Variants in TNFRSF19 observed in about 807,000 individuals in gnomAD.
TNFRSF19 encodes the protein tumor necrosis factor receptor superfamily member 19.
In TNFRSF19, 27 loss-of-function variants were observed where a neutral mutation model predicts 46.4. That is an observed-to-expected ratio of 0.58 (90% CI 0.43 to 0.80). TNFRSF19 has a LOEUF of 0.80. Ranked by LOEUF, TNFRSF19 falls within the 30% of genes least tolerant of loss-of-function variation. The pLI is 0.00. For synonymous variants in TNFRSF19, 204 were observed against 205.0 expected (o/e 1.00, Z 0.04); for missense variants, 511 against 530.8 (o/e 0.96, Z 0.37).
chr13:23,627,473 A>G (rs1882082618), intron 5 of TNFRSF19, among the ~76,000 whole-genome samples: 1 of 152,228 alleles, frequency 6.6e-6, no homozygotes, highest in African/African-American at 2.4e-5. Flanking sequence ...TTGAATAGGA[A>G]GAAGAGTGGC....
In TNFRSF19 at chr13:23,656,717, C is replaced by G. The variant is rs188730339; in HGVS notation, c.446-2333C>G. On this transcript the variant is annotated intron_variant, in intron 5 of 9. Coordinates refer to ENST00000248484, the MANE Select transcript of TNFRSF19 (RefSeq NM_148957.4). Reference sequence around the variant, plus strand: ...GACTCTTCTCCCTCTGAAGTGAACGCCTTCCTCACCAATGTAAATGACAGC... The same window carrying G: ...GACTCTTCTCCCTCTGAAGTGAACGGCTTCCTCACCAATGTAAATGACAGC... 6.8e-3 allele frequency among the ~76,000 whole-genome samples: 1,033 copies of G among 152,304 alleles called. 11 individuals are homozygous for G. The highest frequency in any genetic ancestry group is 0.024 in the African/African-American group (979 of 41,566).
chr13:23,575,487 G>A (rs928906081), intron 1 of TNFRSF19, among the ~76,000 whole-genome samples: 4 of 152,164 alleles, frequency 2.6e-5, no homozygotes, highest in African/African-American at 4.8e-5. Context: ...TTGGCCTCAC[G>A]GTGCTCCCTC....
chr13:23,588,460 G>A (rs889593745), intron 1 of TNFRSF19, among the ~76,000 whole-genome samples: 11 of 152,170 alleles, frequency 7.2e-5, no homozygotes, highest in African/African-American at 1.4e-4. Flanking sequence ...TCAGTAGTTA[G>A]TGTAGCATCC....
chr13:23,640,133 GCT>G (rs761142669), intron 5 of TNFRSF19, among the ~76,000 whole-genome samples: 87 of 152,156 alleles, frequency 5.7e-4, no homozygotes, highest in African/African-American at 2.1e-3. Context: ...TACCTGAGAG[GCT>G]CTGTTATAAA....
chr13:23,660,249 T>C, intron 6 of TNFRSF19, 116 bp from the exon 7 acceptor site: 2 of 1,036,788 alleles, frequency 1.9e-6, no homozygotes. Flanking sequence ...TAAGAAGAAG[T>C]CATCAAACAT....
intron 5 of TNFRSF19, among the ~76,000 whole-genome samples, chr13:23,656,498 A>C (rs550122585): frequency 7.0e-4 from 106 of 152,332 alleles, no homozygotes; most frequent in African/African-American, 2.5e-3. Context: ...ACTTTAACCC[A>C]AAATCCCTAT....
chr13:23,571,422 G>A (rs1877625363), intron 1 of TNFRSF19, among the ~76,000 whole-genome samples: 2 of 152,132 alleles, frequency 1.3e-5, no homozygotes, highest in South Asian at 4.1e-4. Context: ...ACTTTTATGT[G>A]TAAAACTGAA....
intron 5 of TNFRSF19, among the ~76,000 whole-genome samples, chr13:23,648,519 T>C (rs904349474): frequency 2.0e-5 from 3 of 152,024 alleles, no homozygotes; most frequent in African/African-American, 7.2e-5. Context: ...TGTAAGGTAA[T>C]GTCATCTACA....
In TNFRSF19 at chr13:23,656,363, T is replaced by C. The variant is rs540976350; in HGVS notation, c.446-2687T>C. Among the ~76,000 whole-genome samples the C allele has an allele frequency of 4.7e-4, 71 of 152,332 alleles. No homozygotes were observed. In the South Asian group the frequency reaches 7.5e-3, roughly 16 times the overall value. On this transcript the variant is annotated intron_variant, in intron 5 of 9. Coordinates refer to ENST00000248484, the MANE Select transcript of TNFRSF19 (RefSeq NM_148957.4). ...CAAATTAAGAAGAAAATCTCCACTT[T>C]TGGGACATTTTAACCTATCTGTAAG...
intron 1 of TNFRSF19, among the ~76,000 whole-genome samples, chr13:23,581,840 G>C (rs1878458853): frequency 6.6e-6 from 1 of 152,100 alleles, no homozygotes; most frequent in South Asian, 2.1e-4. Flanking sequence ...AAAACTCCAG[G>C]CATCTTTAGT....
At chr13:23,636,232 C>T (rs1882670155) in intron 5 of TNFRSF19, among the ~76,000 whole-genome samples, 1 of 152,152 alleles carries the variant, frequency 6.6e-6, no homozygotes, top group African/African-American at 2.4e-5. Context: ...CACTATTGAA[C>T]TTTCTAAAAT....
chr13:23,633,111 CT>C lies in TNFRSF19; in HGVS notation c.445+6336del, dbSNP rs34800120. On this transcript the variant is annotated intron_variant, in intron 5 of 9. Coordinates refer to ENST00000248484, the MANE Select transcript of TNFRSF19 (RefSeq NM_148957.4). ...ATGATCAAATTACACTTGTTGACGTCTTTTTTTTTTTTTTTTTGAGACAGTC... is the reference window on the plus strand; with the variant it reads ...ATGATCAAATTACACTTGTTGACGTCTTTTTTTTTTTTTTTTGAGACAGTC... Among the ~76,000 whole-genome samples the C allele has an allele frequency of 7.8e-3, 1,068 of 136,078 alleles. 12 individuals are homozygous for C. Among genetic ancestry groups the C allele is most frequent in the African/African-American group, 0.023 (861 of 36,784 alleles). The allele number at this position is 136,078 out of a possible 152,430, so 89.3% of individuals were successfully genotyped here. A position where few individuals can be genotyped will look rare whatever the true frequency, so the allele number is the denominator to read the frequency against.
intron 7 of TNFRSF19, among the ~76,000 whole-genome samples, chr13:23,666,252 T>C (rs1032805705): frequency 6.6e-6 from 1 of 152,194 alleles, no homozygotes; most frequent in African/African-American, 2.4e-5. Flanking sequence ...TGTGTAAATA[T>C]CCTGTCACAC....
At chr13:23,581,928 CA>C (rs905548218) in intron 1 of TNFRSF19, among the ~76,000 whole-genome samples, 127 of 152,096 alleles carry the variant, frequency 8.3e-4, no homozygotes, top group African/African-American at 2.9e-3. Flanking sequence ...TGAAAAAGGC[CA>C]ACATGTTCTA....
chr13:23,620,770 G>A (rs148855914), intron 4 of TNFRSF19, among the ~76,000 whole-genome samples: 26 of 152,230 alleles, frequency 1.7e-4, no homozygotes, highest in African/African-American at 6.3e-4. Context: ...GCTGGCAGCC[G>A]GTTCCTGAGT....
At chr13:23,662,392 T>A (rs1439886595) in intron 7 of TNFRSF19, among the ~76,000 whole-genome samples, 1 of 152,186 alleles carries the variant, frequency 6.6e-6, no homozygotes, top group African/African-American at 2.4e-5. Flanking sequence ...TATGTGCCTG[T>A]TTTTGTACTA....
chr13:23,633,882 A>G (rs71429849), intron 5 of TNFRSF19, among the ~76,000 whole-genome samples: 1 of 152,140 alleles, frequency 6.6e-6, no homozygotes, highest in African/African-American at 2.4e-5. Flanking sequence ...AAAAAATAAA[A>G]CAAAACAAGA....
chr13:23,619,020 C>T (rs1881485713), intron 4 of TNFRSF19, among the ~76,000 whole-genome samples: 2 of 152,202 alleles, frequency 1.3e-5, no homozygotes, highest in East Asian at 3.8e-4. Context: ...GCATCTTGAT[C>T]TTGGACTTCC....
rs757421891 is a variant in TNFRSF19, at chr13:23,669,053, G to A, written c.1201G>A (p.Glu401Lys). The A allele has an allele frequency of 3.4e-5, 55 of 1,614,016 alleles. No individual in the cohort carries two copies. Among genetic ancestry groups the A allele is most frequent in the Non-Finnish European group, 4.4e-5 (52 of 1,180,036 alleles). The change falls in exon 9 of 10, where the codon GAG becomes AAG. Residue 401 changes from glutamate (E) to lysine (K), a missense_variant. Around this residue, in one of 3 missense-constraint regions of TNFRSF19, gnomAD observed 376 missense variants for 372.7 expected, o/e 1.01. Transcript: ENST00000248484. Reference protein sequence around the residue: ...ALTMRSQLDQESGAVIHPATQ... With the variant: ...ALTMRSQLDQKSGAVIHPATQ... ...AACTATGAGAAGCCAGCTAGATCAG[G>A]AGAGTGGTGCTGTCATCCACCCAGC... is the stretch of plus-strand genomic sequence containing the variant.
Sources: allele counts gnomAD v4.1 joint callset (sites outside exome capture counted in the v4.1 genomes callset), GRCh38; gene constraint gnomAD v4.1.1; regional missense constraint gnomAD v4.1.1; transcripts MANE v1.5; gene names NCBI Gene and HGNC (gene_info 2026-07-23, HGNC 2026-07-21).